The following TAFA1 variants were observed in gnomAD, a reference collection of about 807,000 sequenced individuals.
TAFA1 encodes chemokine-like protein TAFA-1.
In TAFA1, 4 loss-of-function variants were observed where a neutral mutation model predicts 18.5. That is an observed-to-expected ratio of 0.22 (90% CI 0.11 to 0.49). TAFA1 has a LOEUF of 0.49. Among genes scored for constraint, TAFA1 ranks in the 20% least tolerant of loss-of-function variants. The pLI, the probability that TAFA1 is intolerant of heterozygous loss-of-function variation, is 0.98. For synonymous variants in TAFA1, 56 were observed against 55.2 expected (o/e 1.01, Z -0.06); for missense variants, 147 against 169.0 (o/e 0.87, Z 0.72).
chr3:68,122,563 A>T (rs2065413781), intron 2 of TAFA1, among the ~76,000 whole-genome samples: 1 of 152,206 alleles, frequency 6.6e-6, no homozygotes, highest in Non-Finnish European at 1.5e-5. Flanking sequence ...TCAGGAGAGA[A>T]AATGAGTTAA....
chr3:68,497,760 G>A (rs527625846), intron 3 of TAFA1, among the ~76,000 whole-genome samples: 26 of 152,252 alleles, frequency 1.7e-4, no homozygotes, highest in African/African-American at 4.8e-4. Flanking sequence ...TTGCAGTAGC[G>A]GAATGACACA....
intron 2 of TAFA1, among the ~76,000 whole-genome samples, chr3:68,257,262 C>G (rs189348069): frequency 1.3e-3 from 195 of 152,182 alleles, no homozygotes; most frequent in Non-Finnish European, 2.3e-3. Context: ...AGCCACCCGA[C>G]CCCAGAATTT....
At chr3:68,380,288 T>C (rs900199588) in intron 2 of TAFA1, among the ~76,000 whole-genome samples, 4 of 152,204 alleles carry the variant, frequency 2.6e-5, no homozygotes, top group African/African-American at 9.7e-5. Flanking sequence ...TACGCAGTAA[T>C]GGGATGGCTG....
At chr3:68,416,303 G>A (rs979761458) in intron 2 of TAFA1, among the ~76,000 whole-genome samples, 1 of 152,116 alleles carries the variant, frequency 6.6e-6, no homozygotes, top group Non-Finnish European at 1.5e-5. Context: ...TCTATGTACA[G>A]GAGATGTATT....
chr3:67,998,235 A>C, the TAFA1 span, among the ~76,000 whole-genome samples: 3 of 152,242 alleles, frequency 2.0e-5, no homozygotes, highest in African/African-American at 4.8e-5. Context: ...ACCTTTTAAC[A>C]TATGAATACG....
intron 3 of TAFA1, among the ~76,000 whole-genome samples, chr3:68,424,074 C>A (rs2071009826): frequency 6.6e-6 from 1 of 151,942 alleles, no homozygotes; most frequent in Admixed American, 6.6e-5. Context: ...CAAAACAAAA[C>A]AAACAAATAA....
At chr3:68,426,375 T>A (rs1222170506) in intron 3 of TAFA1, among the ~76,000 whole-genome samples, 4 of 151,870 alleles carry the variant, frequency 2.6e-5, no homozygotes, top group African/African-American at 9.7e-5. Flanking sequence ...CATGCAGGCC[T>A]ACAGGTATAG....
In TAFA1 at chr3:68,051,793, G is replaced by GT. The variant is rs551342264; in HGVS notation, c.118+45058dup. On this transcript the variant is annotated intron_variant, in intron 2 of 4. Coordinates refer to ENST00000478136, the MANE Select transcript of TAFA1 (RefSeq NM_213609.4). Reference sequence around the variant, plus strand: ...AGATAAGTCAATTTAGGTGAGAAGTGTTTTTTTTTAACAACACTATCGTTT... The same window carrying GT: ...AGATAAGTCAATTTAGGTGAGAAGTGTTTTTTTTTTAACAACACTATCGTTT... Among the ~76,000 whole-genome samples the GT allele has an allele frequency of 3.6e-3, 541 of 151,042 alleles. 3 individuals carry two copies. The highest frequency in any genetic ancestry group is 0.01 in the African/African-American group (432 of 41,174).
chr3:68,116,074 A>T (rs761981941), intron 2 of TAFA1, among the ~76,000 whole-genome samples: 4 of 151,944 alleles, frequency 2.6e-5, no homozygotes, highest in Non-Finnish European at 5.9e-5. Flanking sequence ...GGCTAACAGG[A>T]TGAAACCCCG....
intron 2 of TAFA1, among the ~76,000 whole-genome samples, chr3:68,183,930 G>A (rs1044651329): frequency 5.3e-5 from 8 of 152,136 alleles, no homozygotes; most frequent in Admixed American, 2.0e-4. Flanking sequence ...AGTGAGGGAT[G>A]TAAGCTAACC....
At chr3:68,235,019 T>A (rs1262722024) in intron 2 of TAFA1, among the ~76,000 whole-genome samples, 1 of 152,152 alleles carries the variant, frequency 6.6e-6, no homozygotes, top group Non-Finnish European at 1.5e-5. Context: ...TGCCCCCACC[T>A]TGTATGCACA....
intron 2 of TAFA1, among the ~76,000 whole-genome samples, chr3:68,408,426 T>C (rs148453209): frequency 6.6e-6 from 1 of 152,330 alleles, no homozygotes; most frequent in East Asian, 1.9e-4. Flanking sequence ...CTAGAAGGTA[T>C]ATTGGAAGTT....
chr3:68,026,966 C>T (rs1404546922), intron 2 of TAFA1, among the ~76,000 whole-genome samples: 3 of 151,902 alleles, frequency 2.0e-5, no homozygotes, highest in Non-Finnish European at 4.4e-5. Context: ...TGGCAGAAGG[C>T]AAAGGGGAAG....
chr3:68,460,831 A>C (rs1438147157), intron 3 of TAFA1, among the ~76,000 whole-genome samples: 1 of 152,200 alleles, frequency 6.6e-6, no homozygotes, highest in Admixed American at 6.5e-5. Context: ...TAGTCTGGGG[A>C]TCACACATAG....
chr3:68,305,442 TA>T, intron 2 of TAFA1, among the ~76,000 whole-genome samples: 2 of 117,150 alleles, frequency 1.7e-5, no homozygotes, highest in Admixed American at 1.7e-4. Flanking sequence ...TATATATATA[TA>T]TATATATATA....
At chr3:68,072,903 A>T (rs1003984611) in intron 2 of TAFA1, among the ~76,000 whole-genome samples, 4 of 152,230 alleles carry the variant, frequency 2.6e-5, no homozygotes, top group African/African-American at 9.6e-5. Context: ...AACATAAAGC[A>T]TTCAGATCAG....
chr3:68,291,618 G>A (rs1253343516), intron 2 of TAFA1, among the ~76,000 whole-genome samples: 4 of 151,250 alleles, frequency 2.6e-5, no homozygotes, highest in African/African-American at 7.3e-5. Context: ...TATAAAAAAG[G>A]GAGCGAAGGC....
At chr3:68,383,145 C>A (rs1014220507) in intron 2 of TAFA1, among the ~76,000 whole-genome samples, 1 of 152,042 alleles carries the variant, frequency 6.6e-6, no homozygotes, top group Non-Finnish European at 1.5e-5. Context: ...ATGTCATCAG[C>A]AGAGAGGGAT....
chr3:68,300,343 C>G (rs2106640879), intron 2 of TAFA1, among the ~76,000 whole-genome samples: 1 of 152,252 alleles, frequency 6.6e-6, no homozygotes, highest in Non-Finnish European at 1.5e-5. Context: ...GGCATGGAAG[C>G]TGTAGCCCTT....
Sources: gnomAD v4.1 joint callset for allele counts (sites outside exome capture counted in the v4.1 genomes callset) on GRCh38, gnomAD v4.1.1 for gene constraint, MANE v1.5 for transcripts, NCBI Gene and HGNC (gene_info 2026-07-23, HGNC 2026-07-21) for gene names.